Variants in ARHGAP6 observed in about 807,000 individuals in gnomAD.
The protein encoded by ARHGAP6 is Rho GTPase activating protein 6, also known as rho GTPase-activating protein 6.
In ARHGAP6, 16 loss-of-function variants were observed where a neutral mutation model predicts 55.7. The observed-to-expected ratio is 0.29, with a 90% CI of 0.19 to 0.44. The LOEUF (loss-of-function observed/expected upper bound fraction) is 0.44, where lower values mean the gene tolerates loss of function less well. Ranked by LOEUF, ARHGAP6 falls within the 20% of genes least tolerant of loss-of-function variation. The pLI is 1.00. For missense variants in ARHGAP6, 698 were observed against 808.9 expected (o/e 0.86, Z 1.66); for synonymous variants, 382 against 360.9 (o/e 1.06, Z -0.66).
intron 1 of ARHGAP6, among the ~76,000 whole-genome samples, chrX:11,449,456 G>A (rs1041133828): frequency 1.2e-4 from 13 of 111,817 alleles, no homozygotes; most frequent in East Asian, 8.4e-4. Context: ...TTTCTCTCCC[G>A]CCTGGGCACA....
chrX:11,528,211 T>C (rs2051010886), intron 1 of ARHGAP6, among the ~76,000 whole-genome samples: 1 of 112,325 alleles, frequency 8.9e-6, no homozygotes, highest in Non-Finnish European at 1.9e-5. Flanking sequence ...TTTTAGTCCA[T>C]CTGCTTCCAA....
intron 2 of ARHGAP6, among the ~76,000 whole-genome samples, chrX:11,248,700 A>G (rs145047281): frequency 0.016 from 1,758 of 112,416 alleles, 23 homozygotes; most frequent in African/African-American, 0.034. Flanking sequence ...GGAAATGCAA[A>G]TCAAAATCAC....
chrX:11,506,318 A>T (rs753490138), intron 1 of ARHGAP6, among the ~76,000 whole-genome samples: 27 of 110,987 alleles, frequency 2.4e-4, no homozygotes, highest in Non-Finnish European at 4.5e-4. Flanking sequence ...GTATACACGT[A>T]CCATGGTGGT....
intron 1 of ARHGAP6, among the ~76,000 whole-genome samples, chrX:11,399,354 CAAAAAA>C (rs56197001): frequency 2.3e-4 from 8 of 35,365 alleles, no homozygotes; most frequent in African/African-American, 7.5e-4. Context: ...AATAAGCAAT[CAAAAAA>C]AAAAAAAAAA....
intron 1 of ARHGAP6, among the ~76,000 whole-genome samples, chrX:11,552,083 C>G (rs1488034941): frequency 4.5e-5 from 5 of 111,307 alleles, no homozygotes; most frequent in African/African-American, 1.6e-4. Context: ...AATAAACAAC[C>G]CATTTAAAAC....
intron 1 of ARHGAP6, among the ~76,000 whole-genome samples, chrX:11,622,453 T>C (rs1487169486): frequency 9.0e-6 from 1 of 111,584 alleles, no homozygotes; most frequent in Non-Finnish European, 1.9e-5. Flanking sequence ...CAATTATACA[T>C]GGAAAAAAAT....
chrX:11,202,752 A>G (rs185186752), intron 2 of ARHGAP6, among the ~76,000 whole-genome samples: 1 of 87,293 alleles, frequency 1.1e-5, no homozygotes, highest in East Asian at 4.3e-4. Flanking sequence ...GTGAGCCAAG[A>G]TTGTTCCACT....
rs1219034430 is a variant in ARHGAP6, at chrX:11,374,349, A to G, written c.589-119642T>C. ...AGATTCCATCTTTGTGGTCCTTGGG[A>G]CATCTCAAACAACAGAGATGTGGAA... On this transcript the variant is annotated intron_variant, in intron 1 of 12. Transcript: ENST00000337414. Among the ~76,000 whole-genome samples the G allele has an allele frequency of 4.5e-5, 5 of 111,723 alleles. No homozygotes were observed. In the East Asian group the frequency reaches 1.4e-3, roughly 31 times the overall value.
At chrX:11,303,545 T>C (rs1390847093) in intron 1 of ARHGAP6, among the ~76,000 whole-genome samples, 3 of 112,376 alleles carry the variant, frequency 2.7e-5, no homozygotes, top group Non-Finnish European at 5.6e-5. Context: ...CATTGTCCTA[T>C]GGTCAACAAA....
At chrX:11,438,974 T>A (rs1219180336) in intron 1 of ARHGAP6, among the ~76,000 whole-genome samples, 1 of 112,403 alleles carries the variant, frequency 8.9e-6, no homozygotes, top group Non-Finnish European at 1.9e-5. Context: ...TTTCTATTGC[T>A]AATATTTTCT....
chrX:11,612,369 G>A (rs182436075), intron 1 of ARHGAP6, among the ~76,000 whole-genome samples: 1 of 112,003 alleles, frequency 8.9e-6, no homozygotes, highest in Admixed American at 9.5e-5. Context: ...TGTCATTTGG[G>A]TCAGGTATCC....
chrX:11,628,727 A>G (rs1166166634), intron 1 of ARHGAP6, among the ~76,000 whole-genome samples: 1 of 112,566 alleles, frequency 8.9e-6, no homozygotes, highest in Non-Finnish European at 1.9e-5. Context: ...TGAGCAATGA[A>G]CAGATCAACT....
chrX:11,383,221 CA>C (rs1395894006), intron 1 of ARHGAP6, among the ~76,000 whole-genome samples: 1 of 111,439 alleles, frequency 9.0e-6, no homozygotes, highest in African/African-American at 3.3e-5. Context: ...CACAAATAAA[CA>C]GCATGCTTCA....
At chrX:11,240,354 T>A (rs1009649196) in intron 2 of ARHGAP6, among the ~76,000 whole-genome samples, 3 of 111,657 alleles carry the variant, frequency 2.7e-5, no homozygotes, top group Admixed American at 1.9e-4. Flanking sequence ...AATAGTAATC[T>A]AGGAAAGCGA....
chrX:11,433,965 C>A (rs1206811280), intron 1 of ARHGAP6, among the ~76,000 whole-genome samples: 1 of 112,041 alleles, frequency 8.9e-6, no homozygotes, highest in Non-Finnish European at 1.9e-5. Flanking sequence ...ACAAATCAGG[C>A]CCATTCATTA....
chrX:11,390,429 A>G (rs2049388119), intron 1 of ARHGAP6, among the ~76,000 whole-genome samples: 1 of 111,595 alleles, frequency 9.0e-6, no homozygotes, highest in African/African-American at 3.3e-5. Context: ...TAAAACACCA[A>G]AAGCAATGGC....
In ARHGAP6 at chrX:11,393,192, T is replaced by G. The variant is rs2049431301; in HGVS notation, c.589-138485A>C. Among the ~76,000 whole-genome samples, 6 of 111,620 alleles carry G rather than the reference T, an allele frequency of 5.4e-5. No individual in the cohort carries two copies. In the South Asian group the frequency reaches 2.3e-3, roughly 42 times the overall value. ...TATATGATAATGATTACAAATCTATTCAAGAGCAATTTAAGTTTTTTAGTC... is the reference window on the plus strand; with the variant it reads ...TATATGATAATGATTACAAATCTATGCAAGAGCAATTTAAGTTTTTTAGTC... On this transcript the variant is annotated intron_variant, in intron 1 of 12. Transcript: ENST00000337414.
At chrX:11,242,050 C>T (rs956298688) in intron 2 of ARHGAP6, among the ~76,000 whole-genome samples, 1 of 111,558 alleles carries the variant, frequency 9.0e-6, no homozygotes, top group African/African-American at 3.3e-5. Context: ...GTCACCATGC[C>T]TTCAGTTAAA....
intron 2 of ARHGAP6, among the ~76,000 whole-genome samples, chrX:11,227,466 G>C (rs1395312356): frequency 9.0e-6 from 1 of 111,402 alleles, no homozygotes; most frequent in African/African-American, 3.3e-5. Flanking sequence ...ATTCTTCCTT[G>C]CTTGTATTAT....
Sources: allele counts gnomAD v4.1 joint callset (sites outside exome capture counted in the v4.1 genomes callset), GRCh38; gene constraint gnomAD v4.1.1; transcripts MANE v1.5; gene names NCBI Gene and HGNC (gene_info 2026-07-23, HGNC 2026-07-21).